Variants in C4orf51 observed in about 807,000 individuals in gnomAD.
C4orf51 encodes the protein uncharacterized protein C4orf51.
C4orf51 carries 25 observed loss-of-function variants against 25.2 expected under a neutral mutation model. That is an observed-to-expected ratio of 0.99 (90% CI 0.72 to 1.39). C4orf51 has a LOEUF of 1.39. Ranked by LOEUF, C4orf51 falls within the 40% of genes most tolerant of loss-of-function variation. C4orf51 has a pLI of 0.00. For missense variants in C4orf51, 252 were observed against 239.6 expected, an observed-to-expected ratio of 1.05 and a Z score of -0.34; for synonymous variants, 100 against 84.5, an observed-to-expected ratio of 1.18 and a Z score of -1.01.
At chr4:145,734,512 C>A (rs1046996226), downstream of C4orf51, among the ~76,000 whole-genome samples, 10 of 152,250 alleles carry the variant, frequency 6.6e-5, no homozygotes, top group African/African-American at 2.4e-4. Flanking sequence ...TCCTGAATCT[C>A]CCCAGTCCCT....
intron 1 of C4orf51, among the ~76,000 whole-genome samples, chr4:145,691,558 G>A (rs1311584874): frequency 6.6e-6 from 1 of 152,196 alleles, no homozygotes; most frequent in East Asian, 1.9e-4. Flanking sequence ...CTGATTAGTG[G>A]TGGATTGGAT....
At position 145,729,225 on chromosome 4, in the gene C4orf51, A is replaced by G. The variant is rs374731213; in HGVS notation, c.423A>G (p.Lys141=). ...TTCCGACACCTCCAAATTATGGAAA[A>G]TACTGTAAGTCCCATCCTGAACTAC... The part of the protein sequence containing the change: ...DCFPTPPNYG[K]YCVRPKKPAQ... Residue 141 remains lysine (K), a synonymous_variant, in exon 4 of 6, where the codon AAA becomes AAG. Coordinates refer to ENST00000438731, the MANE Select transcript of C4orf51 (RefSeq NM_001080531.3). 1 of 1,601,336 alleles carries G rather than the reference A, an allele frequency of 6.2e-7. No homozygotes were observed. Among genetic ancestry groups the G allele is most frequent in the African/African-American group, 1.3e-5 (1 of 74,336 alleles).
chr4:145,730,777 T>C (rs2126773297), intron 5 of C4orf51, among the ~76,000 whole-genome samples: 1 of 152,202 alleles, frequency 6.6e-6, no homozygotes, highest in East Asian at 1.9e-4. Flanking sequence ...GAACCACCAG[T>C]TATACATACA....
intron 1 of C4orf51, among the ~76,000 whole-genome samples, chr4:145,750,653 C>T (rs1177540698): frequency 6.6e-6 from 1 of 151,928 alleles, no homozygotes; most frequent in Non-Finnish European, 1.5e-5. Flanking sequence ...TGTTCTATAA[C>T]CTTCTTGTAC....
At chr4:145,782,047 T>A in the C4orf51 span, among the ~76,000 whole-genome samples, 4 of 152,110 alleles carry the variant, frequency 2.6e-5, no homozygotes, top group African/African-American at 9.7e-5. Context: ...GTGGGAAGAA[T>A]CCCCGGAGTC....
intron 1 of C4orf51, among the ~76,000 whole-genome samples, chr4:145,770,437 A>G (rs1433155057): frequency 1.3e-5 from 2 of 151,936 alleles, no homozygotes; most frequent in South Asian, 2.1e-4. Flanking sequence ...TTGTGCCTCA[A>G]TTATCTCATC....
chr4:145,729,365 G>C (rs900757391), intron 4 of C4orf51, 136 bp downstream of exon 4: 5 of 558,768 alleles, frequency 8.9e-6, no homozygotes, highest in Admixed American at 3.4e-5. Context: ...GCAGTGGCGC[G>C]ATCTCGGCTC....
intron 2 of C4orf51, among the ~76,000 whole-genome samples, chr4:145,724,364 T>C (rs1731922695): frequency 6.6e-6 from 1 of 152,144 alleles, no homozygotes; most frequent in South Asian, 2.1e-4. Context: ...AGCTAAGTAA[T>C]TGTTAAGCTC....
At chr4:145,719,461 C>T (rs1307195907) in intron 2 of C4orf51, among the ~76,000 whole-genome samples, 1 of 151,808 alleles carries the variant, frequency 6.6e-6, no homozygotes, top group Non-Finnish European at 1.5e-5. Context: ...AAAAATTAGC[C>T]AGGCGTGGTT....
In C4orf51 at chr4:145,765,215, G is replaced by T; in HGVS notation, n.167-5773G>T. ...GAGGTGCACAGGGCAGCGGGGAGAG[G>T]AGGGCAGGAGTGGAGCCAAGCTCCT... On this transcript the variant is annotated intron_variant and non_coding_transcript_variant, in intron 1 of 1. Transcript: ENST00000510096. The surrounding 1 kb of genome is among the most constrained non-coding windows in gnomAD (Gnocchi z 4.7). 6.6e-7 allele frequency: 1 copy of T among 1,521,544 alleles called. No individual in the cohort carries two copies. Among genetic ancestry groups the T allele is most frequent in the African/African-American group, 1.4e-5 (1 of 72,902 alleles). The allele number at this position is 1,521,544 out of a possible 1,614,324, so 94.3% of individuals were successfully genotyped here.
In C4orf51 at chr4:145,729,040, C is replaced by T. The variant is rs1732270905; in HGVS notation, c.367-129C>T. 3 of 676,668 alleles carry T rather than the reference C, an allele frequency of 4.4e-6. No homozygotes were observed. The East Asian group carries it at 8.4e-5, about 19-fold the overall frequency. The allele number at this position is 676,668 out of a possible 1,614,324, so 41.9% of individuals were successfully genotyped here. ...GACTACACTGCACTCACAGTGGTGG[C>T]TTTTGACAGCAGTATCAGTGCTTTC... On this transcript the variant is annotated intron_variant, in intron 3 of 5. Coordinates refer to ENST00000438731, the MANE Select transcript of C4orf51 (RefSeq NM_001080531.3).
chr4:145,766,934 G>T (rs576216205), intron 1 of C4orf51, among the ~76,000 whole-genome samples: 49 of 152,260 alleles, frequency 3.2e-4, no homozygotes, highest in South Asian at 8.3e-4. Context: ...CCAAAGGAAC[G>T]AGGTTTCCAG....
chr4:145,745,939 C>T (rs1268596053), intron 1 of C4orf51, among the ~76,000 whole-genome samples: 5 of 152,088 alleles, frequency 3.3e-5, no homozygotes, highest in African/African-American at 1.2e-4. Context: ...GATGATATCT[C>T]ATTGTAGTTT....
rs1560884358 is a variant in C4orf51, at chr4:145,762,980, T to TCGCCGTTAGCCTTTGAACCG, written n.167-7989_167-7988insGCGCCGTTAGCCTTTGAACC. ...GTGCACGGCCTCCTCAGCGCCAAGCTCGCCGTTAGCCTTTGAACCTCAGCT... is the reference window on the plus strand; with the variant it reads ...GTGCACGGCCTCCTCAGCGCCAAGCTCGCCGTTAGCCTTTGAACCGCGCCGTTAGCCTTTGAACCTCAGCT... On this transcript the variant is annotated intron_variant and non_coding_transcript_variant, in intron 1 of 1. Coordinates refer to the C4orf51 transcript ENST00000510096. This position sits in a 1 kb window ranked among gnomAD's most constrained non-coding sequence, Gnocchi z 4.9. 2 of 1,091,842 alleles carry TCGCCGTTAGCCTTTGAACCG rather than the reference T, an allele frequency of 1.8e-6. No homozygotes were observed. The highest frequency in any genetic ancestry group is 5.1e-5 in the East Asian group (2 of 38,914). The allele number at this position is 1,091,842 out of a possible 1,614,324, so 67.6% of individuals were successfully genotyped here. A position where few individuals can be genotyped will look rare whatever the true frequency, so the allele number is the denominator to read the frequency against.
intron 1 of C4orf51, among the ~76,000 whole-genome samples, chr4:145,688,076 C>T (rs1250633166): frequency 1.3e-5 from 2 of 151,578 alleles, no homozygotes; most frequent in South Asian, 2.1e-4. Context: ...TGGTATATGC[C>T]TGTGGTTCCA....
At chr4:145,691,863 G>A (rs1002325532) in intron 1 of C4orf51, among the ~76,000 whole-genome samples, 2 of 84,416 alleles carry the variant, frequency 2.4e-5, no homozygotes, top group African/African-American at 6.8e-5. Context: ...CCTAAACTTC[G>A]GCATCACACA....
At chr4:145,683,453 T>C (rs1379139640) in intron 1 of C4orf51, among the ~76,000 whole-genome samples, 1 of 152,176 alleles carries the variant, frequency 6.6e-6, no homozygotes. Flanking sequence ...CAACACGATA[T>C]TGAAGAAGAA....
chr4:145,770,328 AAATAAATAAATAAATAAAT>A (rs746361325), intron 1 of C4orf51, among the ~76,000 whole-genome samples: 129 of 146,450 alleles, frequency 8.8e-4, no homozygotes, highest in Non-Finnish European at 1.7e-3. Context: ...ATAAATAAAT[AAATAAATAAATAAATAAAT>A]AAAATAGATC....
At chr4:145,716,919 C>A (rs1170666852) in intron 2 of C4orf51, among the ~76,000 whole-genome samples, 2 of 152,170 alleles carry the variant, frequency 1.3e-5, no homozygotes, top group African/African-American at 4.8e-5. Flanking sequence ...AGGAGACTTT[C>A]TTTCTTCCCT....
Sources: allele counts gnomAD v4.1 joint callset (sites outside exome capture counted in the v4.1 genomes callset), GRCh38; gene constraint gnomAD v4.1.1; non-coding constraint Gnocchi (gnomAD v3.1); transcripts MANE v1.5; gene names NCBI Gene and HGNC (gene_info 2026-07-23, HGNC 2026-07-21).